Variants in TFAP2E observed in about 807,000 individuals in gnomAD.
TFAP2E encodes the protein transcription factor AP-2 epsilon, also known as transcription factor AP-2-epsilon.
TFAP2E carries 30 observed loss-of-function variants against 37.9 expected under a neutral mutation model. The observed-to-expected ratio is 0.79, with a 90% CI of 0.59 to 1.07. The LOEUF (loss-of-function observed/expected upper bound fraction) is 1.07. Ranked by LOEUF, TFAP2E falls within the 50% of genes least tolerant of loss-of-function variation. TFAP2E has a pLI of 0.00. For synonymous variants in TFAP2E, 318 were observed against 295.8 expected (o/e 1.08, Z -0.77); for missense variants, 567 against 637.9 (o/e 0.89, Z 1.20).
chr1:35,581,799 C>T (rs140436177), intron 3 of TFAP2E, among the ~76,000 whole-genome samples: 75 of 151,994 alleles, frequency 4.9e-4, no homozygotes, highest in African/African-American at 1.7e-3. Context: ...CCTGAACTCC[C>T]GACCTCAGGT....
Position 35,590,495 on chromosome 1 carries a change from G to A in TFAP2E, c.905-139G>A. The A allele has an allele frequency of 9.3e-7, 1 of 1,072,020 alleles. No individual in the cohort carries two copies. Among genetic ancestry groups the A allele is most frequent in the Non-Finnish European group, 1.2e-6 (1 of 803,936 alleles). The allele number at this position is 1,072,020 out of a possible 1,614,324, so 66.4% of individuals were successfully genotyped here. The stretch of plus-strand genomic sequence containing the variant: ...GGCAATGGAATGGGGGCTGGAGCTG[G>A]GCTGGGAAGGAACATCAGAGGGGGC... On this transcript the variant is annotated intron_variant, in intron 5 of 6. Transcript: ENST00000373235. This position sits in a 1 kb window ranked among gnomAD's most constrained non-coding sequence, Gnocchi z 6.2.
In TFAP2E at chr1:35,573,676, TCCTGTC is replaced by T; in HGVS notation, c.27+75_27+80del. 1 of 1,514,118 alleles carries T rather than the reference TCCTGTC, an allele frequency of 6.6e-7. No individual in the cohort carries two copies. The highest frequency in any genetic ancestry group is 8.8e-7 in the Non-Finnish European group (1 of 1,130,740). The allele number at this position is 1,514,118 out of a possible 1,614,324, so 93.8% of individuals were successfully genotyped here. ...GCCTGAGTGCTGGACTTTCCAACCCTCCTGTCCCGCGCTAACGAAATCTCGGAGGGA... is the reference window on the plus strand; with the variant it reads ...GCCTGAGTGCTGGACTTTCCAACCCTCCGCGCTAACGAAATCTCGGAGGGA... On this transcript the variant is annotated intron_variant, in intron 1 of 6. Coordinates refer to ENST00000373235, the MANE Select transcript of TFAP2E (RefSeq NM_178548.4). The surrounding 1 kb of genome is among the most constrained non-coding windows in gnomAD (Gnocchi z 5.9).
In TFAP2E at chr1:35,590,491, G is replaced by A. The variant is rs1649626923; in HGVS notation, c.905-143G>A. On this transcript the variant is annotated intron_variant, in intron 5 of 6. Coordinates refer to ENST00000373235, the MANE Select transcript of TFAP2E (RefSeq NM_178548.4). This position sits in a 1 kb window ranked among gnomAD's most constrained non-coding sequence, Gnocchi z 6.2. Reference sequence around the variant, plus strand: ...GTGGGGCAATGGAATGGGGGCTGGAGCTGGGCTGGGAAGGAACATCAGAGG... The same window carrying A: ...GTGGGGCAATGGAATGGGGGCTGGAACTGGGCTGGGAAGGAACATCAGAGG... 1 of 1,059,586 alleles carries A rather than the reference G, an allele frequency of 9.4e-7. No homozygotes were observed. Among genetic ancestry groups the A allele is most frequent in the Non-Finnish European group, 1.3e-6 (1 of 788,070 alleles). The allele number at this position is 1,059,586 out of a possible 1,614,324, so 65.6% of individuals were successfully genotyped here. A position where few individuals can be genotyped will look rare whatever the true frequency, so the allele number is the denominator to read the frequency against.
chr1:35,594,985 C>A lies in TFAP2E; in HGVS notation c.*309C>A. 2.6e-6 allele frequency: 1 copy of A among 392,034 alleles called. No individual in the cohort carries two copies. 24.3% of individuals were successfully genotyped at this position (392,034 alleles called of 1,614,324 possible). On this transcript the variant is annotated 3_prime_UTR_variant, in exon 7 of 7. Transcript: ENST00000373235. ...TCTGGCTCATGGGGCAGAGCCCTTT[C>A]CATTAGCGTGGCTGGGTGGCCGTGG... is the stretch of plus-strand genomic sequence containing the variant.
At chr1:35,594,198 T>G (rs1021249751) in intron 6 of TFAP2E, among the ~76,000 whole-genome samples, 196 bp from the exon 7 acceptor site, 6 of 152,248 alleles carry the variant, frequency 3.9e-5, no homozygotes, top group African/African-American at 1.4e-4. Context: ...ATTAGCTGTG[T>G]GATACTGGGC....
chr1:35,574,904 G>C (rs767235126), intron 2 of TFAP2E, 45 bp from the exon 3 acceptor site: 18 of 1,613,290 alleles, frequency 1.1e-5, no homozygotes, highest in Non-Finnish European at 1.5e-5. Flanking sequence ...GACATGGGCG[G>C]CTAGGGCTTT....
At position 35,594,578 on chromosome 1, in the gene TFAP2E, G is replaced by A; in HGVS notation, c.1231G>A (p.Glu411Lys). ...CACTGCCTTCCAGAACTATTTGCTG[G>A]AGTCACTCAAGGGGCTGGACAAGAT... is the stretch of plus-strand genomic sequence containing the variant. ...ALTAFQNYLL[E>K]SLKGLDKMFL... Residue 411 changes from glutamate to lysine, a missense_variant, in exon 7 of 7, where the codon GAG becomes AAG. This residue lies in a region of TFAP2E where 252 missense variants were observed against 302.6 expected (regional missense o/e 0.83). Transcript: ENST00000373235. 1 of 1,614,228 alleles carries A rather than the reference G, an allele frequency of 6.2e-7. No homozygotes were observed. Among genetic ancestry groups the A allele is most frequent in the Admixed American group, 1.7e-5 (1 of 60,026 alleles).
At position 35,590,556 on chromosome 1, in the gene TFAP2E, C is replaced by A. The variant is rs1649628979; in HGVS notation, c.905-78C>A. ...GCAGGATGGGGCAGGATACCCCTGACCAGGGGGTCAGAGGTTCAAAGCTGT... is the reference window on the plus strand; with the variant it reads ...GCAGGATGGGGCAGGATACCCCTGAACAGGGGGTCAGAGGTTCAAAGCTGT... On this transcript the variant is annotated intron_variant, in intron 5 of 6. Transcript: ENST00000373235. This position sits in a 1 kb window ranked among gnomAD's most constrained non-coding sequence, Gnocchi z 6.2. The A allele has an allele frequency of 7.1e-7, 1 of 1,399,640 alleles. No homozygotes were observed. The highest frequency in any genetic ancestry group is 1.4e-5 in the African/African-American group (1 of 69,606). 86.7% of individuals were successfully genotyped at this position (1,399,640 alleles called of 1,614,324 possible).
In TFAP2E at chr1:35,588,502, C is replaced by G; in HGVS notation, c.735C>G (p.Leu245=). The G allele has an allele frequency of 6.2e-7, 1 of 1,606,638 alleles. No homozygotes were observed. The highest frequency in any genetic ancestry group is 8.5e-7 in the Non-Finnish European group (1 of 1,177,552). The change falls in exon 4 of 7, where the codon CTC becomes CTG. Residue 245 remains leucine, a synonymous_variant. Transcript: ENST00000373235. The surrounding 1 kb of genome is among the most constrained non-coding windows in gnomAD (Gnocchi z 5.1). ...KVTVGEVQRR[L]SPPECLNASL... The stretch of plus-strand genomic sequence containing the variant: ...CGGTGGGGGAGGTGCAGCGGCGACT[C>G]TCGCCTCCCGAGTGCCTCAACGCCT...
At position 35,590,488 on chromosome 1, in the gene TFAP2E, G is replaced by A. The variant is rs1649626856; in HGVS notation, c.905-146G>A. On this transcript the variant is annotated intron_variant, in intron 5 of 6. Transcript: ENST00000373235. This position sits in a 1 kb window ranked among gnomAD's most constrained non-coding sequence, Gnocchi z 6.2. ...AAGGTGGGGCAATGGAATGGGGGCT[G>A]GAGCTGGGCTGGGAAGGAACATCAG... The A allele has an allele frequency of 9.7e-7, 1 of 1,031,402 alleles. No individual in the cohort carries two copies. The highest frequency in any genetic ancestry group is 1.3e-6 in the Non-Finnish European group (1 of 763,654). The allele number at this position is 1,031,402 out of a possible 1,614,324, so 63.9% of individuals were successfully genotyped here.
At position 35,590,790 on chromosome 1, in the gene TFAP2E, C is replaced by G; in HGVS notation, c.1046+15C>G. 2 of 1,412,056 alleles carry G rather than the reference C, an allele frequency of 1.4e-6. No homozygotes were observed. Among genetic ancestry groups the G allele is most frequent in the Non-Finnish European group, 1.9e-6 (2 of 1,066,742 alleles). 87.5% of individuals were successfully genotyped at this position (1,412,056 alleles called of 1,614,324 possible). On this transcript the variant is annotated intron_variant, in intron 6 of 6. Transcript: ENST00000373235. This position sits in a 1 kb window ranked among gnomAD's most constrained non-coding sequence, Gnocchi z 6.2. ...CTGGCTGCCAAGTGAGTGAGGGCACCCTGCACAGGCACACGTGGGTGCCAT... is the reference window on the plus strand; with the variant it reads ...CTGGCTGCCAAGTGAGTGAGGGCACGCTGCACAGGCACACGTGGGTGCCAT...
chr1:35,589,175 G>A (rs1449352916), intron 4 of TFAP2E, among the ~76,000 whole-genome samples: 1 of 147,788 alleles, frequency 6.8e-6, no homozygotes, highest in Non-Finnish European at 1.5e-5. Context: ...TGTGGCCTAG[G>A]GTGTGTCCTG....
At chr1:35,582,378 A>G (rs562494930) in intron 3 of TFAP2E, among the ~76,000 whole-genome samples, 1 of 151,864 alleles carries the variant, frequency 6.6e-6, no homozygotes, top group Non-Finnish European at 1.5e-5. Context: ...ATAGTTCTTT[A>G]TATAATATAT....
Position 35,574,005 on chromosome 1 carries a change from C to T in TFAP2E, c.106C>T (p.Pro36Ser), listed in dbSNP as rs1038809834. Reference protein sequence around the residue: ...SLPQAAYGPAPPLCHTPAATA... With the variant: ...SLPQAAYGPASPLCHTPAATA... ...GCCCCAGGCGGCCTACGGGCCGGCGCCCCCGCTCTGCCACACGCCGGCCGC... is the reference window on the plus strand; with the variant it reads ...GCCCCAGGCGGCCTACGGGCCGGCGTCCCCGCTCTGCCACACGCCGGCCGC... The change falls in exon 2 of 7, where the codon CCC becomes TCC. Residue 36 changes from proline to serine, a missense_variant. This residue lies in a region of TFAP2E where 312 missense variants were observed against 317.4 expected (regional missense o/e 0.98). Coordinates refer to ENST00000373235, the MANE Select transcript of TFAP2E (RefSeq NM_178548.4). The T allele has an allele frequency of 2.7e-6, 4 of 1,488,622 alleles. No homozygotes were observed. The Admixed American group carries it at 6.6e-5, about 25-fold the overall frequency. 92.2% of individuals were successfully genotyped at this position (1,488,622 alleles called of 1,614,324 possible).
chr1:35,573,978 C>T lies in TFAP2E; in HGVS notation c.79C>T (p.Leu27=), dbSNP rs1486780800. The change falls in exon 2 of 7, where the codon CTG becomes TTG. Residue 27 remains leucine (L), a synonymous_variant. Coordinates refer to ENST00000373235, the MANE Select transcript of TFAP2E (RefSeq NM_178548.4). The surrounding 1 kb of genome is among the most constrained non-coding windows in gnomAD (Gnocchi z 5.9). ...AAAGGARLSS[L]PQAAYGPAPP... is the part of the protein sequence containing the mutation. ...TGCCGGCGGGGCCCGCCTGTCGTCT[C>T]TGCCCCAGGCGGCCTACGGGCCGGC... is the stretch of plus-strand genomic sequence containing the variant. 6.7e-7 allele frequency: 1 copy of T among 1,484,656 alleles called. No homozygotes were observed. The highest frequency in any genetic ancestry group is 2.4e-5 in the Admixed American group (1 of 41,886). 92.0% of individuals were successfully genotyped at this position (1,484,656 alleles called of 1,614,324 possible). A position where few individuals can be genotyped will look rare whatever the true frequency, so the allele number is the denominator to read the frequency against.
chr1:35,588,647 C>A lies in TFAP2E; in HGVS notation c.785+95C>A. The A allele has an allele frequency of 1.6e-6, 2 of 1,284,684 alleles. No homozygotes were observed. The highest frequency in any genetic ancestry group is 1.0e-6 in the Non-Finnish European group (1 of 954,654). The allele number at this position is 1,284,684 out of a possible 1,614,324, so 79.6% of individuals were successfully genotyped here. A position where few individuals can be genotyped will look rare whatever the true frequency, so the allele number is the denominator to read the frequency against. Reference sequence around the variant, plus strand: ...AGAGAGGAGGCCAGTCTCACCTAGGCCCTCTGCCTCAGTCTCCCTGGGAGG... The same window carrying A: ...AGAGAGGAGGCCAGTCTCACCTAGGACCTCTGCCTCAGTCTCCCTGGGAGG... On this transcript the variant is annotated intron_variant, in intron 4 of 6. Coordinates refer to ENST00000373235, the MANE Select transcript of TFAP2E (RefSeq NM_178548.4). This position sits in a 1 kb window ranked among gnomAD's most constrained non-coding sequence, Gnocchi z 5.1.
Position 35,593,676 on chromosome 1 carries a change from A to C in TFAP2E, c.1047-718A>C, listed in dbSNP as rs77517040. Among the ~76,000 whole-genome samples the C allele has an allele frequency of 0.012, 1,862 of 152,266 alleles. 53 individuals are homozygous for C. In the East Asian group the frequency reaches 0.14, roughly 11 times the overall value. ...TCGTTCACTTATCAGCTCATTCATC[A>C]AGCACTTTGTGGGTCTCAGTCATGT... is the stretch of plus-strand genomic sequence containing the variant. On this transcript the variant is annotated intron_variant, in intron 6 of 6. Transcript: ENST00000373235.
intron 3 of TFAP2E, among the ~76,000 whole-genome samples, chr1:35,584,778 C>T (rs1232582090): frequency 6.6e-6 from 1 of 152,074 alleles, no homozygotes; most frequent in Non-Finnish European, 1.5e-5. Context: ...GCTCAATCCT[C>T]CCACCTCGGC....
At chr1:35,575,032 C>G in intron 3 of TFAP2E, 32 bp downstream of exon 3, 2 of 1,613,422 alleles carry the variant, frequency 1.2e-6, no homozygotes, top group Non-Finnish European at 1.7e-6. Flanking sequence ...CAGAGCCCGG[C>G]GAGATGGTGC....
Sources: gnomAD v4.1 joint callset for allele counts (sites outside exome capture counted in the v4.1 genomes callset) on GRCh38, gnomAD v4.1.1 for gene constraint, gnomAD v4.1.1 regional missense constraint, Gnocchi (gnomAD v3.1) non-coding constraint, MANE v1.5 for transcripts, NCBI Gene and HGNC (gene_info 2026-07-23, HGNC 2026-07-21) for gene names.